Variants in SNAP23 observed in about 807,000 individuals in gnomAD.
SNAP23 encodes the protein synaptosomal-associated protein 23.
Under a neutral mutation model 29.0 loss-of-function variants are expected in SNAP23, and 11 were observed. The observed-to-expected ratio is 0.38, with a 90% CI of 0.24 to 0.63. The LOEUF is 0.63. Among genes scored for constraint, SNAP23 ranks in the 20% least tolerant of loss-of-function variants. SNAP23 has a pLI of 0.58. For synonymous variants in SNAP23, 60 were observed against 82.9 expected (o/e 0.72, Z 1.50); for missense variants, 220 against 253.9 (o/e 0.87, Z 0.91).
intron 5 of SNAP23, among the ~76,000 whole-genome samples, chr15:42,520,728 T>C (rs193176871): frequency 6.6e-6 from 1 of 151,138 alleles, no homozygotes; most frequent in East Asian, 2.0e-4. Flanking sequence ...TCTCCTGACC[T>C]CGTGATCCGC....
chr15:42,526,494 TTAATGA>T (rs1223239370), intron 5 of SNAP23, among the ~76,000 whole-genome samples: 4 of 152,216 alleles, frequency 2.6e-5, no homozygotes, highest in Non-Finnish European at 4.4e-5. Context: ...TTCTGTAATG[TTAATGA>T]TAAAGTCTAA....
rs1375744720 is a variant in SNAP23, at chr15:42,529,784, G to T, written c.535G>T (p.Ala179Ser). The T allele has an allele frequency of 1.2e-6, 2 of 1,613,176 alleles. No individual in the cohort carries two copies. The highest frequency in any genetic ancestry group is 3.4e-5 in the Admixed American group (2 of 59,534). The change falls in exon 7 of 8, where the codon GCT becomes TCT. Residue 179 changes from alanine to serine, a missense_variant. Physicochemically the swap from Ala to Ser is moderately conservative, Grantham distance 99. Transcript: ENST00000249647. The stretch of plus-strand genomic sequence containing the variant: ...CCTGAACATAGGCAATGAGATTGAT[G>T]CTCAAAATCCACAAATAAAACGAAT... The part of the protein sequence containing the change: ...MALNIGNEID[A>S]QNPQIKRITD...
intron 1 of SNAP23, among the ~76,000 whole-genome samples, chr15:42,496,494 A>C (rs2057220858): frequency 1.3e-5 from 2 of 152,170 alleles, no homozygotes; most frequent in Non-Finnish European, 2.9e-5. Context: ...AGGAGAGAGG[A>C]TCATATGAGA....
intron 3 of SNAP23, 102 bp from the exon 4 acceptor site, chr15:42,513,297 G>A (rs1454501400): frequency 9.4e-7 from 1 of 1,061,520 alleles, no homozygotes. Context: ...AATCCTCTGA[G>A]AGCTTGGGTT....
intron 1 of SNAP23, among the ~76,000 whole-genome samples, chr15:42,508,794 T>C (rs2057335481): frequency 6.6e-6 from 1 of 152,170 alleles, no homozygotes; most frequent in African/African-American, 2.4e-5. Context: ...CCTCTAGGAA[T>C]AGAATTACAA....
At chr15:42,521,320 G>A (rs981252442) in intron 5 of SNAP23, 14 of 210,590 alleles carry the variant, frequency 6.6e-5, no homozygotes, top group Admixed American at 3.9e-4. Context: ...GAGTCTCAAA[G>A]CACTCCATTG....
At chr15:42,530,705 G>GC (rs1249791247) in intron 7 of SNAP23, among the ~76,000 whole-genome samples, 1 of 152,146 alleles carries the variant, frequency 6.6e-6, no homozygotes, top group Non-Finnish European at 1.5e-5. Context: ...AGCTGTGATT[G>GC]CACCATTGCA....
At chr15:42,517,674 T>A (rs2057408474) in intron 5 of SNAP23, among the ~76,000 whole-genome samples, 1 of 152,188 alleles carries the variant, frequency 6.6e-6, no homozygotes, top group Admixed American at 6.5e-5. Context: ...TTCTTCAGCC[T>A]CTAACCTCAG....
intron 1 of SNAP23, among the ~76,000 whole-genome samples, chr15:42,503,179 A>C (rs1464852366): frequency 6.6e-6 from 1 of 152,066 alleles, no homozygotes; most frequent in Non-Finnish European, 1.5e-5. Flanking sequence ...CTTTGAAACC[A>C]AGCTGATTTT....
chr15:42,525,253 A>G (rs1260756219), intron 5 of SNAP23, among the ~76,000 whole-genome samples: 8 of 151,052 alleles, frequency 5.3e-5, no homozygotes, highest in Non-Finnish European at 1.0e-4. Context: ...CTGTAGTCCC[A>G]GCTATTCGGG....
At chr15:42,515,399 A>AC (rs1278118738) in intron 5 of SNAP23, 45 bp downstream of exon 5, 1 of 1,178,042 alleles carries the variant, frequency 8.5e-7, no homozygotes, top group Non-Finnish European at 1.2e-6. Flanking sequence ...TAATGAGAGT[A>AC]CCCCACCTTC....
chr15:42,491,900 A>AG (rs1465432881), upstream of SNAP23, among the ~76,000 whole-genome samples: 330 of 144,182 alleles, frequency 2.3e-3, no homozygotes, highest in African/African-American at 8.1e-3. Flanking sequence ...TTATTTATTT[A>AG]TTTAGTTAGT....
chr15:42,499,989 T>A (rs1451840282), intron 1 of SNAP23, among the ~76,000 whole-genome samples: 2 of 152,038 alleles, frequency 1.3e-5, no homozygotes, highest in Non-Finnish European at 1.5e-5. Flanking sequence ...AAAAATTTTT[T>A]AAAAAACTAG....
At chr15:42,524,987 A>G (rs1373275594) in intron 5 of SNAP23, among the ~76,000 whole-genome samples, 2 of 152,170 alleles carry the variant, frequency 1.3e-5, no homozygotes, top group Non-Finnish European at 2.9e-5. Context: ...AACACGCAGA[A>G]CATACTATAA....
At chr15:42,515,413 C>T in intron 5 of SNAP23, 59 bp downstream of exon 5, 1 of 1,008,398 alleles carries the variant, frequency 9.9e-7, no homozygotes, top group Admixed American at 2.0e-5. Context: ...CACCTTCTCC[C>T]ACCAGCTAAG....
At chr15:42,501,350 A>C (rs1183638554) in intron 1 of SNAP23, among the ~76,000 whole-genome samples, 1 of 152,132 alleles carries the variant, frequency 6.6e-6, no homozygotes, top group African/African-American at 2.4e-5. Flanking sequence ...TTTGGACTTG[A>C]TCATACTTGG....
At position 42,528,342 on chromosome 15, in the gene SNAP23, C is replaced by A; in HGVS notation, c.347C>A (p.Ser116Tyr). 1 of 1,614,102 alleles carries A rather than the reference C, an allele frequency of 6.2e-7. No homozygotes were observed. The highest frequency in any genetic ancestry group is 8.5e-7 in the Non-Finnish European group (1 of 1,180,002). The change falls in exon 6 of 8, where the codon TCT becomes TAT. Residue 116 changes from serine to tyrosine, a missense_variant. Transcript: ENST00000249647. The part of the protein sequence containing the change: ...GGENSPCNVV[S>Y]KQPGPVTNGQ... ...GAAAACTCACCTTGCAATGTAGTAT[C>A]TAAACAGCCAGGCCCGGTGACAAAT...
chr15:42,505,101 T>C (rs1025071339), intron 1 of SNAP23: 4 of 150,184 alleles, frequency 2.7e-5, no homozygotes, highest in African/African-American at 5.1e-5. Context: ...GATGGTGATT[T>C]TTTTTTTCTT....
intron 1 of SNAP23, among the ~76,000 whole-genome samples, chr15:42,496,260 C>T (rs1330618322): frequency 6.6e-6 from 1 of 151,988 alleles, no homozygotes; most frequent in African/African-American, 2.4e-5. Context: ...CTTCTTTAAT[C>T]AGTCACCACA....
Sources: gnomAD v4.1 joint callset for allele counts (sites outside exome capture counted in the v4.1 genomes callset) on GRCh38, gnomAD v4.1.1 for gene constraint, MANE v1.5 for transcripts, NCBI Gene and HGNC (gene_info 2026-07-23, HGNC 2026-07-21) for gene names.